Variants in SHOC2 observed in about 807,000 individuals in gnomAD.
The protein encoded by SHOC2 is SHOC2 leucine rich repeat scaffold protein, also known as leucine-rich repeat protein SHOC-2.
SHOC2 carries 4 observed loss-of-function variants against 50.2 expected under a neutral mutation model. The ratio of observed to expected loss-of-function variants is 0.08; its 90% CI spans 0.04 to 0.18. The LOEUF (loss-of-function observed/expected upper bound fraction) is 0.18. SHOC2 is among the 10% of genes least tolerant of loss of function. The pLI, the probability that SHOC2 is intolerant of heterozygous loss-of-function variation, is 1.00. For missense variants in SHOC2, 388 were observed against 669.6 expected, an observed-to-expected ratio of 0.58 and a Z score of 4.64; for synonymous variants, 218 against 244.5, an observed-to-expected ratio of 0.89 and a Z score of 1.01.
At chr10:110,980,392 G>A (rs1453408120) in intron 2 of SHOC2, among the ~76,000 whole-genome samples, 1 of 151,918 alleles carries the variant, frequency 6.6e-6, no homozygotes, top group Non-Finnish European at 1.5e-5. Context: ...TCCTGACCTC[G>A]TGATCTGCCC....
chr10:110,991,025 A>T (rs1408075377), intron 3 of SHOC2, among the ~76,000 whole-genome samples: 2 of 152,138 alleles, frequency 1.3e-5, no homozygotes, highest in African/African-American at 4.8e-5. Flanking sequence ...TATCTGTGTA[A>T]CTTTGCCTGC....
chr10:110,950,942 A>C (rs1158001864), intron 1 of SHOC2, among the ~76,000 whole-genome samples: 5 of 152,236 alleles, frequency 3.3e-5, no homozygotes, highest in African/African-American at 1.2e-4. Context: ...TTACCAGAAG[A>C]AAACAAAGGG....
At chr10:110,962,506 C>T (rs1171802940) in intron 1 of SHOC2, among the ~76,000 whole-genome samples, 1 of 151,914 alleles carries the variant, frequency 6.6e-6, no homozygotes, top group Non-Finnish European at 1.5e-5. Flanking sequence ...ATAGATAGAG[C>T]TCTCCTGGTG....
intron 2 of SHOC2, among the ~76,000 whole-genome samples, chr10:110,982,638 G>C: frequency 6.6e-6 from 1 of 151,486 alleles, no homozygotes; most frequent in Non-Finnish European, 1.5e-5. Context: ...GTGTTTTTTG[G>C]CTGCATAAAT....
At chr10:110,936,953 C>T (rs764442585) in intron 1 of SHOC2, 37 of 1,440,436 alleles carry the variant, frequency 2.6e-5, no homozygotes, top group Admixed American at 3.4e-5. Context: ...GGCCTGGCCT[C>T]GCTTGGTCTT....
At chr10:110,920,783 GA>G (rs781312623) in intron 1 of SHOC2, among the ~76,000 whole-genome samples, 1 of 152,184 alleles carries the variant, frequency 6.6e-6, no homozygotes, top group Non-Finnish European at 1.5e-5. Flanking sequence ...AGTCTCTGGG[GA>G]TGCTGAAGCA....
chr10:110,942,230 G>C (rs1461815087), intron 1 of SHOC2, among the ~76,000 whole-genome samples: 1 of 152,142 alleles, frequency 6.6e-6, no homozygotes, highest in Non-Finnish European at 1.5e-5. Context: ...ATTTCGTCAG[G>C]AAGGTCTTTA....
intron 2 of SHOC2, among the ~76,000 whole-genome samples, chr10:110,967,332 C>T (rs1178781990): frequency 2.6e-5 from 4 of 152,264 alleles, no homozygotes; most frequent in Middle Eastern, 3.4e-3. Flanking sequence ...AAAATGGGTA[C>T]CACCCCCCAT....
chr10:110,933,045 T>C (rs944917799), intron 1 of SHOC2, among the ~76,000 whole-genome samples: 4 of 152,212 alleles, frequency 2.6e-5, no homozygotes, highest in Non-Finnish European at 5.9e-5. Flanking sequence ...CTGGAAGTAG[T>C]AGATATATTA....
At chr10:110,994,415 A>G (rs1228000851) in intron 3 of SHOC2, among the ~76,000 whole-genome samples, 1 of 152,240 alleles carries the variant, frequency 6.6e-6, no homozygotes. Flanking sequence ...TATCTATATC[A>G]TCTGACACAT....
At chr10:110,998,088 G>A (rs903932217) in intron 3 of SHOC2, among the ~76,000 whole-genome samples, 4 of 150,462 alleles carry the variant, frequency 2.7e-5, no homozygotes, top group African/African-American at 7.4e-5. Context: ...AAACCTCCAC[G>A]TCCTGGGTTC....
chr10:110,983,118 C>T (rs565471714), intron 2 of SHOC2, among the ~76,000 whole-genome samples: 14 of 152,122 alleles, frequency 9.2e-5, no homozygotes, highest in South Asian at 4.1e-4. Flanking sequence ...ATTTTAATTA[C>T]AAAGATTTTT....
At chr10:110,956,083 G>T (rs953771422) in intron 1 of SHOC2, among the ~76,000 whole-genome samples, 1 of 152,086 alleles carries the variant, frequency 6.6e-6, no homozygotes, top group African/African-American at 2.4e-5. Context: ...CATATGTAGA[G>T]AATTATAGAC....
intron 2 of SHOC2, among the ~76,000 whole-genome samples, chr10:110,983,399 A>C (rs1017278575): frequency 6.6e-6 from 1 of 151,642 alleles, no homozygotes; most frequent in African/African-American, 2.4e-5. Flanking sequence ...CTTGAGATGG[A>C]GACTTAGATT....
Position 110,983,475 on chromosome 10 carries a change from C to G in SHOC2, c.704-2153C>G, listed in dbSNP as rs373898637. Among the ~76,000 whole-genome samples the G allele has an allele frequency of 9.9e-5, 15 of 152,114 alleles. No homozygotes were observed. The East Asian group carries it at 2.3e-3, about 23-fold the overall frequency. The stretch of plus-strand genomic sequence containing the variant: ...AGTGCTATAAACTTCCCTCTTAGCA[C>G]TAGCTTAGCTATGTCCCATAAGTTT... On this transcript the variant is annotated intron_variant, in intron 2 of 8. Transcript: ENST00000369452.
chr10:110,935,016 A>G (rs993687796), intron 1 of SHOC2, among the ~76,000 whole-genome samples: 1 of 152,222 alleles, frequency 6.6e-6, no homozygotes, highest in South Asian at 2.1e-4. Flanking sequence ...TTTTATACAT[A>G]TATGTATACT....
chr10:111,004,549 T>C lies in SHOC2; in HGVS notation c.973-57T>C, dbSNP rs983654703. 7.3e-5 allele frequency: 97 copies of C among 1,322,630 alleles called. 1 individual carries two copies. In the Middle Eastern group the frequency reaches 7.4e-4, roughly 10 times the overall value. 81.9% of individuals were successfully genotyped at this position (1,322,630 alleles called of 1,614,324 possible). ...CATTTGTGTTGGGACTGCTGTTCTATAAAAAATGAGTCTCATCACAGTTCT... is the reference window on the plus strand; with the variant it reads ...CATTTGTGTTGGGACTGCTGTTCTACAAAAAATGAGTCTCATCACAGTTCT... On this transcript the variant is annotated intron_variant, in intron 4 of 8. Coordinates refer to ENST00000369452, the MANE Select transcript of SHOC2 (RefSeq NM_007373.4).
At chr10:110,980,767 C>T (rs563661507) in intron 2 of SHOC2, among the ~76,000 whole-genome samples, 8 of 152,216 alleles carry the variant, frequency 5.3e-5, no homozygotes, top group Non-Finnish European at 1.0e-4. Context: ...CCCTCCCAAT[C>T]CCCTGGGTCT....
At chr10:110,958,220 C>CT (rs34136641) in intron 1 of SHOC2, among the ~76,000 whole-genome samples, 78,487 of 145,464 alleles carry the variant, frequency 0.54, 23,403 homozygotes, top group Non-Finnish European at 0.68. Flanking sequence ...TTCTTTCTTT[C>CT]TTTTTTTTTT....
Sources: allele counts gnomAD v4.1 joint callset (sites outside exome capture counted in the v4.1 genomes callset), GRCh38; gene constraint gnomAD v4.1.1; transcripts MANE v1.5; gene names NCBI Gene and HGNC (gene_info 2026-07-23, HGNC 2026-07-21).